STON1: variants seen among roughly 807,000 people sequenced by gnomAD.
STON1 encodes stonin-1.
A neutral mutation model predicts 60.9 loss-of-function variants in STON1; 79 were observed. That is an observed-to-expected ratio of 1.30 (90% CI 1.08 to 1.56). The LOEUF is 1.56. STON1 is among the 40% of genes most tolerant of loss of function. STON1 has a pLI of 0.00. For missense variants in STON1, 1,166 were observed against 858.9 expected, an observed-to-expected ratio of 1.36 and a Z score of -4.47; for synonymous variants, 363 against 306.9, an observed-to-expected ratio of 1.18 and a Z score of -1.91.
In STON1 at chr2:48,582,522, C is replaced by G; in HGVS notation, c.1889C>G (p.Ala630Gly). The change falls in exon 2 of 4, where the codon GCA becomes GGA. Residue 630 changes from alanine (A) to glycine (G), a missense_variant. Transcript: ENST00000404752. Reference protein sequence around the residue: ...GSAKYESAYQAVVWKIDRLPD... With the variant: ...GSAKYESAYQGVVWKIDRLPD... Reference sequence around the variant, plus strand: ...GCAAAATATGAGAGTGCCTACCAGGCAGTGGTATGGAAGATAGATCGGCTT... The same window carrying G: ...GCAAAATATGAGAGTGCCTACCAGGGAGTGGTATGGAAGATAGATCGGCTT... 1 of 1,614,068 alleles carries G rather than the reference C, an allele frequency of 6.2e-7. No homozygotes were observed. Among genetic ancestry groups the G allele is most frequent in the Non-Finnish European group, 8.5e-7 (1 of 1,179,980 alleles).
At chr2:48,554,468 CTG>C (rs1672227017) in intron 1 of STON1, among the ~76,000 whole-genome samples, 1 of 152,172 alleles carries the variant, frequency 6.6e-6, no homozygotes, top group Non-Finnish European at 1.5e-5. Context: ...GGTGATCTGC[CTG>C]CCTCGGCCTC....
Position 48,580,867 on chromosome 2 carries a change from C to T in STON1, c.234C>T (p.Asn78=), listed in dbSNP as rs375668596. ...DFYFSPGPPS[N]SPLSTPTKDF... ...ATTTCAGTCCAGGACCTCCAAGTAA[C>T]TCTCCTCTTTCTACACCTACCAAAG... is the stretch of plus-strand genomic sequence containing the variant. Residue 78 remains asparagine, a synonymous_variant, in exon 2 of 4, where the codon AAC becomes AAT. Transcript: ENST00000404752. The T allele has an allele frequency of 1.9e-6, 3 of 1,571,226 alleles. No individual in the cohort carries two copies. The highest frequency in any genetic ancestry group is 2.6e-6 in the Non-Finnish European group (3 of 1,163,186).
chr2:48,595,320 G>A lies in STON1; in HGVS notation c.*18G>A. ...CTCAGTAGGAGTAGCAAGAGTTTAT[G>A]ATGACAGCCCACTTGTCAAATATGT... On this transcript the variant is annotated 3_prime_UTR_variant, in exon 4 of 4. Transcript: ENST00000404752. 1 of 1,602,146 alleles carries A rather than the reference G, an allele frequency of 6.2e-7. No homozygotes were observed. The highest frequency in any genetic ancestry group is 2.2e-5 in the East Asian group (1 of 44,788).
At chr2:48,535,414 G>T (rs190341993) in intron 1 of STON1, among the ~76,000 whole-genome samples, 253 of 152,248 alleles carry the variant, frequency 1.7e-3, no homozygotes, top group African/African-American at 6.0e-3. Flanking sequence ...CCCACATCCT[G>T]TACTACCATG....
intron 3 of STON1, among the ~76,000 whole-genome samples, chr2:48,592,862 G>T (rs1674601548): frequency 1.3e-5 from 2 of 151,674 alleles, no homozygotes; most frequent in Non-Finnish European, 2.9e-5. Context: ...TGATCCTCCT[G>T]CCTCGGCCTC....
intron 1 of STON1, among the ~76,000 whole-genome samples, chr2:48,571,015 C>A (rs1036294435): frequency 6.6e-6 from 1 of 151,914 alleles, no homozygotes; most frequent in Non-Finnish European, 1.5e-5. Context: ...ACCACCACAC[C>A]CAGCTAATTT....
intron 1 of STON1, among the ~76,000 whole-genome samples, chr2:48,549,754 A>G (rs961568307): frequency 6.8e-6 from 1 of 147,438 alleles, no homozygotes; most frequent in African/African-American, 2.5e-5. Flanking sequence ...CAGAGGTTGC[A>G]GCAAGCCAAG....
chr2:48,564,482 TCTTCTTCTTCTTCTTCTTCTTCTTC>T (rs1672789984), intron 1 of STON1, among the ~76,000 whole-genome samples: 1 of 25,762 alleles, frequency 3.9e-5, no homozygotes, highest in African/African-American at 1.5e-4. Flanking sequence ...TCTTCTTCTT[TCTTCTTCTTCTTCTTCTTCTTCTTC>T]TTCTTCTTCT....
chr2:48,574,111 C>T (rs1171699871), intron 1 of STON1, among the ~76,000 whole-genome samples: 1 of 152,126 alleles, frequency 6.6e-6, no homozygotes, highest in Non-Finnish European at 1.5e-5. Flanking sequence ...TGCAGTGGCT[C>T]ACACCTGTAA....
In STON1 at chr2:48,596,944, G is replaced by T. The variant is rs1572658666; in HGVS notation, c.*1642G>T. The T allele has an allele frequency of 6.6e-6, 1 of 152,178 alleles. No individual in the cohort carries two copies. Among genetic ancestry groups the T allele is most frequent in the Non-Finnish European group, 1.5e-5 (1 of 68,066 alleles). The allele number at this position is 152,178 out of a possible 1,614,324, so 9.4% of individuals were successfully genotyped here. On this transcript the variant is annotated 3_prime_UTR_variant, in exon 4 of 4. Transcript: ENST00000404752. ...GGCTCACTGCAACCTCCGCCTCCTG[G>T]GTTCAAGGGATTCTCCTGCCTCAGC...
intron 2 of STON1, among the ~76,000 whole-genome samples, chr2:48,589,449 C>A (rs1163056208): frequency 6.6e-6 from 1 of 152,154 alleles, no homozygotes; most frequent in African/African-American, 2.4e-5. Context: ...TGTTAAGCCC[C>A]AAACATGACA....
At chr2:48,536,547 TAAA>T (rs540312014) in intron 1 of STON1, among the ~76,000 whole-genome samples, 7 of 102,900 alleles carry the variant, frequency 6.8e-5, no homozygotes, top group African/African-American at 2.3e-4. Context: ...GATGCCATCT[TAAA>T]AAAAAAAAAA....
chr2:48,564,456 TTC>T (rs58873566), intron 1 of STON1, among the ~76,000 whole-genome samples: 29 of 53,738 alleles, frequency 5.4e-4, no homozygotes, highest in African/African-American at 1.5e-3. Flanking sequence ...CTTCTTCTTC[TTC>T]TTCTTCTTCT....
chr2:48,589,613 T>C (rs1373485237), intron 2 of STON1, among the ~76,000 whole-genome samples: 2 of 152,222 alleles, frequency 1.3e-5, no homozygotes, highest in Non-Finnish European at 2.9e-5. Context: ...TTTACCATTT[T>C]TAAAGAAAAG....
chr2:48,597,698 G>A lies in STON1; in HGVS notation c.*2396G>A, dbSNP rs1029270293. 1.3e-5 allele frequency: 2 copies of A among 152,538 alleles called. No homozygotes were observed. Among genetic ancestry groups the A allele is most frequent in the East Asian group, 3.8e-4 (2 of 5,196 alleles). The allele number at this position is 152,538 out of a possible 1,614,324, so 9.4% of individuals were successfully genotyped here. ...CAGAAGCTGATAGCATTAACAGCAG[G>A]GTGTTACAGCATAATTGTTAATTCG... On this transcript the variant is annotated 3_prime_UTR_variant, in exon 4 of 4. Transcript: ENST00000404752.
rs190047923 is a variant in STON1 at position 48,582,374 on chromosome 2, G to A, written c.1741G>A (p.Ala581Thr). The change falls in exon 2 of 4, where the codon GCC (alanine) becomes ACC (threonine). Residue 581 changes from alanine (A) to threonine (T), a missense_variant. Physicochemically the swap from Ala to Thr is moderately conservative, Grantham distance 58. Transcript: ENST00000404752. ...HFPVPSQWIK[A>T]LWTMNLQRQK... ...TCCTGTCCCATCGCAGTGGATCAAG[G>A]CCCTTTGGACCATGAACCTCCAGAG... 20 of 1,614,124 alleles carry A rather than the reference G, an allele frequency of 1.2e-5. No homozygotes were observed. The East Asian group carries it at 3.8e-4, about 31-fold the overall frequency.
At chr2:48,553,293 A>C (rs1572939121) in intron 1 of STON1, among the ~76,000 whole-genome samples, 1 of 152,074 alleles carries the variant, frequency 6.6e-6, no homozygotes, top group African/African-American at 2.4e-5. Flanking sequence ...TCCGGCCTGA[A>C]GGCTCAAGAG....
At chr2:48,569,289 A>T (rs902987262) in intron 1 of STON1, among the ~76,000 whole-genome samples, 1 of 152,222 alleles carries the variant, frequency 6.6e-6, no homozygotes, top group Non-Finnish European at 1.5e-5. Flanking sequence ...TAACCCTAAA[A>T]TCCAGTGATT....
chr2:48,578,547 C>G (rs562240934), intron 1 of STON1, among the ~76,000 whole-genome samples: 2 of 141,368 alleles, frequency 1.4e-5, no homozygotes, highest in East Asian at 4.1e-4. Flanking sequence ...CCTTCTCCTC[C>G]TTCTCCTCCT....
Sources: allele counts gnomAD v4.1 joint callset (sites outside exome capture counted in the v4.1 genomes callset), GRCh38; gene constraint gnomAD v4.1.1; transcripts MANE v1.5; gene names NCBI Gene and HGNC (gene_info 2026-07-23, HGNC 2026-07-21).